Variants in KYAT3 observed in about 807,000 individuals in gnomAD.
KYAT3 encodes kynurenine--oxoglutarate transaminase 3.
A neutral mutation model predicts 59.0 loss-of-function variants in KYAT3; 50 were observed. The observed-to-expected ratio is 0.85, with a 90% confidence interval of 0.68 to 1.07. KYAT3 has a LOEUF of 1.07. Among genes scored for constraint, KYAT3 ranks in the 50% least tolerant of loss-of-function variants. KYAT3 has a pLI of 0.00. For missense variants in KYAT3, 497 were observed against 533.3 expected (o/e 0.93, Z 0.67); for synonymous variants, 148 against 177.0 (o/e 0.84, Z 1.30).
chr1:88,926,979 A>T, the KYAT3 span, among the ~76,000 whole-genome samples: 1 of 152,168 alleles, frequency 6.6e-6, no homozygotes, highest in Admixed American at 6.5e-5. Flanking sequence ...CTGGTAAAGG[A>T]CCACTAGAAT....
At chr1:88,925,091 A>C in the KYAT3 span, among the ~76,000 whole-genome samples, 3 of 152,162 alleles carry the variant, frequency 2.0e-5, no homozygotes, top group Non-Finnish European at 2.9e-5. Context: ...TTCACTTGCT[A>C]TTCTGTCCTA....
chr1:88,952,651 T>C (rs1675727191), intron 10 of KYAT3, among the ~76,000 whole-genome samples: 2 of 152,218 alleles, frequency 1.3e-5, no homozygotes, highest in Non-Finnish European at 2.9e-5. Flanking sequence ...TGTAGAACCA[T>C]GAGCCAAGTA....
chr1:88,961,424 G>A lies in KYAT3; in HGVS notation c.623C>T (p.Thr208Ile). The change falls in exon 7 of 14, where the codon ACC (threonine) becomes ATC (isoleucine). Residue 208 changes from threonine (T) to isoleucine (I), a missense_variant. Coordinates refer to ENST00000260508, the MANE Select transcript of KYAT3 (RefSeq NM_001008661.3). The stretch of plus-strand genomic sequence containing the variant: ...TGGAGTATTTAGTATAATAGCTTTG[G>A]TTTTGGAATTAAATTTACTTTCCAG... The part of the protein sequence containing the change: ...QELESKFNSK[T>I]KAIILNTPHN... The A allele has an allele frequency of 6.2e-7, 1 of 1,613,888 alleles. No individual in the cohort carries two copies. The highest frequency in any genetic ancestry group is 1.3e-5 in the African/African-American group (1 of 75,030).
At chr1:88,935,743 G>C (rs1675010163), downstream of KYAT3, 1 of 357,918 alleles carries the variant, frequency 2.8e-6, no homozygotes, top group East Asian at 4.1e-5. Context: ...GAACTGGTTA[G>C]GAGTTTTTAC....
intron 1 of KYAT3, among the ~76,000 whole-genome samples, 187 bp downstream of exon 1, chr1:88,992,398 G>A (rs1050566737): frequency 6.6e-6 from 1 of 152,258 alleles, no homozygotes; most frequent in Non-Finnish European, 1.5e-5. Flanking sequence ...CTGGAGGCCA[G>A]TCACCTCGGC....
intron 1 of KYAT3, among the ~76,000 whole-genome samples, chr1:88,990,903 G>A (rs970533792): frequency 1.3e-5 from 2 of 152,038 alleles, no homozygotes; most frequent in African/African-American, 4.8e-5. Flanking sequence ...AGATGTCATC[G>A]AAAAGTTGGA....
Position 88,948,642 on chromosome 1 carries a change from T to G in KYAT3, c.1141+449A>C, listed in dbSNP as rs1040024544. Among the ~76,000 whole-genome samples, 5 of 152,344 alleles carry G rather than the reference T, an allele frequency of 3.3e-5. No individual in the cohort carries two copies. The East Asian group carries it at 9.6e-4, about 29-fold the overall frequency. On this transcript the variant is annotated intron_variant, in intron 11 of 13. Coordinates refer to ENST00000260508, the MANE Select transcript of KYAT3 (RefSeq NM_001008661.3). ...CACAAAGTAGACCCTCAATAAGTGT[T>G]ATTCTCCCATTTATTTTATTTCAGT...
intron 7 of KYAT3, 37 bp downstream of exon 7, chr1:88,961,344 G>A (rs747031188): frequency 6.2e-6 from 10 of 1,613,382 alleles, no homozygotes; most frequent in Non-Finnish European, 1.7e-6. Flanking sequence ...GAAAATGATA[G>A]GTCAGAAGAC....
chr1:88,952,490 C>A (rs1022821117), intron 10 of KYAT3, among the ~76,000 whole-genome samples: 1 of 152,068 alleles, frequency 6.6e-6, no homozygotes, highest in Non-Finnish European at 1.5e-5. Context: ...TTGTGAGATA[C>A]GGTTGTTTAA....
Position 88,961,357 on chromosome 1 carries a change from T to C in KYAT3, c.666+24A>G, listed in dbSNP as rs114294004. On this transcript the variant is annotated intron_variant, in intron 7 of 13. Coordinates refer to ENST00000260508, the MANE Select transcript of KYAT3 (RefSeq NM_001008661.3). ...GAGAAAATGATAGGTCAGAAGACTG[T>C]ATAAGGAGATGAGACTTGCTTACCT... is the stretch of plus-strand genomic sequence containing the variant. The C allele has an allele frequency of 6.5e-4, 1,053 of 1,613,762 alleles. 3 individuals carry two copies. In the African/African-American group the frequency reaches 0.012, roughly 19 times the overall value.
At chr1:88,968,958 T>C (rs1301849382) in intron 3 of KYAT3, 144 bp from the exon 4 acceptor site, 1 of 579,666 alleles carries the variant, frequency 1.7e-6, no homozygotes, top group Non-Finnish European at 2.9e-6. Context: ...CCAACAAAAA[T>C]TTACCAACCA....
chr1:88,949,302 T>C (rs766383554), intron 10 of KYAT3, 25 bp from the exon 11 acceptor site: 3 of 1,492,766 alleles, frequency 2.0e-6, no homozygotes, highest in Middle Eastern at 1.8e-4. Flanking sequence ...TCAAAAAATA[T>C]GAAAAGGCAT....
At chr1:88,985,507 G>A (rs931055538) in intron 2 of KYAT3, among the ~76,000 whole-genome samples, 2 of 152,150 alleles carry the variant, frequency 1.3e-5, no homozygotes, top group Admixed American at 6.5e-5. Flanking sequence ...ACACACCTAC[G>A]TTCCAAGTAT....
chr1:88,989,925 G>A (rs752291012), intron 1 of KYAT3, among the ~76,000 whole-genome samples: 1 of 152,136 alleles, frequency 6.6e-6, no homozygotes, highest in African/African-American at 2.4e-5. Flanking sequence ...ACAGATTTGT[G>A]GTCATCAGTC....
chr1:88,969,209 C>T (rs1488221967), intron 3 of KYAT3, among the ~76,000 whole-genome samples, 200 bp downstream of exon 3: 1 of 152,152 alleles, frequency 6.6e-6, no homozygotes, highest in East Asian at 1.9e-4. Flanking sequence ...TGTCCAGTGT[C>T]CAGCAAAGGG....
intron 9 of KYAT3, 58 bp downstream of exon 9, chr1:88,955,091 C>T (rs1675852642): frequency 1.7e-6 from 2 of 1,186,590 alleles, no homozygotes; most frequent in Non-Finnish European, 2.5e-6. Flanking sequence ...AACCACTCAA[C>T]AAAAAATAAA....
At chr1:88,969,195 CAT>C (rs1227434556) in intron 3 of KYAT3, among the ~76,000 whole-genome samples, 2 of 152,172 alleles carry the variant, frequency 1.3e-5, no homozygotes, top group African/African-American at 4.8e-5. Context: ...TTTTCTCTGC[CAT>C]ATGTCCAGTG....
chr1:88,967,794 A>G (rs1042128375), intron 4 of KYAT3, among the ~76,000 whole-genome samples: 5 of 151,984 alleles, frequency 3.3e-5, no homozygotes, highest in African/African-American at 4.8e-5. Context: ...TTATTGGTCA[A>G]TCTAGCTAAA....
chr1:88,936,281 T>C (rs749981601), intron 13 of KYAT3, 36 bp from the exon 14 acceptor site: 2 of 1,362,724 alleles, frequency 1.5e-6, no homozygotes, highest in East Asian at 4.7e-5. Context: ...TTATTACAGA[T>C]ATACATAAAT....
Sources: allele counts gnomAD v4.1 joint callset (sites outside exome capture counted in the v4.1 genomes callset), GRCh38; gene constraint gnomAD v4.1.1; transcripts MANE v1.5; gene names NCBI Gene and HGNC (gene_info 2026-07-23, HGNC 2026-07-21).